LRP1B: variants seen among roughly 807,000 people sequenced by gnomAD.
LRP1B encodes the protein low-density lipoprotein receptor-related protein 1B.
LRP1B carries 217 observed loss-of-function variants against 556.6 expected under a neutral mutation model. The observed-to-expected ratio is 0.39, with a 90% CI of 0.35 to 0.44. LRP1B has a LOEUF of 0.44. Ranked by LOEUF, LRP1B falls within the 20% of genes least tolerant of loss-of-function variation. The pLI is 1.00. For synonymous variants in LRP1B, 2,047 were observed against 1,865.8 expected (o/e 1.10, Z -2.50); for missense variants, 5,053 against 5,620.8 (o/e 0.90, Z 3.23).
intron 1 of LRP1B, among the ~76,000 whole-genome samples, chr2:141,865,766 TA>T (rs1698394578): frequency 6.6e-6 from 1 of 152,170 alleles, no homozygotes; most frequent in African/African-American, 2.4e-5. Context: ...AAAGATATTT[TA>T]ATTTCTCAGA....
At chr2:140,779,817 T>G (rs931980778) in intron 32 of LRP1B, among the ~76,000 whole-genome samples, 1 of 148,800 alleles carries the variant, frequency 6.7e-6, no homozygotes, top group African/African-American at 2.5e-5. Context: ...ATATCATAAA[T>G]TTACCTCCCA....
intron 2 of LRP1B, among the ~76,000 whole-genome samples, chr2:141,765,192 C>T (rs893028713): frequency 5.9e-5 from 9 of 151,992 alleles, no homozygotes; most frequent in East Asian, 1.9e-4. Context: ...AGCAGAGATC[C>T]GTAAACAGTG....
chr2:142,013,062 AT>A (rs1703004749), intron 1 of LRP1B, among the ~76,000 whole-genome samples: 1 of 152,220 alleles, frequency 6.6e-6, no homozygotes, highest in African/African-American at 2.4e-5. Context: ...TTAGCTCATG[AT>A]TAGTTACCTT....
At chr2:141,929,560 C>T (rs988878683) in intron 1 of LRP1B, among the ~76,000 whole-genome samples, 1 of 151,898 alleles carries the variant, frequency 6.6e-6, no homozygotes, top group African/African-American at 2.4e-5. Flanking sequence ...TCTGTTTACT[C>T]TTTCATGGGA....
chr2:141,686,737 G>C (rs948512720), intron 2 of LRP1B, among the ~76,000 whole-genome samples: 2 of 151,962 alleles, frequency 1.3e-5, no homozygotes, highest in Non-Finnish European at 2.9e-5. Flanking sequence ...CCTTTCAGAG[G>C]TGATTGGATC....
intron 2 of LRP1B, among the ~76,000 whole-genome samples, chr2:141,751,402 TA>T (rs1378704268): frequency 6.6e-6 from 1 of 152,190 alleles, no homozygotes; most frequent in Non-Finnish European, 1.5e-5. Flanking sequence ...AATCTTAAGA[TA>T]TTTTTGGATC....
chr2:141,248,697 G>C (rs1558959005), intron 4 of LRP1B, among the ~76,000 whole-genome samples: 1 of 152,144 alleles, frequency 6.6e-6, no homozygotes, highest in Non-Finnish European at 1.5e-5. Context: ...CTAAAAGACT[G>C]TACATTACAC....
At chr2:140,748,591 GTATATA>G (rs70988428) in intron 35 of LRP1B, among the ~76,000 whole-genome samples, 6,324 of 73,132 alleles carry the variant, frequency 0.086, 318 homozygotes, top group African/African-American at 0.13. Context: ...TATACAGTGT[GTATATA>G]TATATATATA....
chr2:141,009,222 C>T (rs968397280), intron 14 of LRP1B, among the ~76,000 whole-genome samples: 3 of 150,860 alleles, frequency 2.0e-5, no homozygotes, highest in African/African-American at 7.3e-5. Flanking sequence ...TAGAGATACT[C>T]GAGCTTGTAG....
rs11352164 is a variant in LRP1B at position 140,803,260 on chromosome 2, G to GTTTTTTTTTTTTT, written c.5359+10384_5359+10396dup. On this transcript the variant is annotated intron_variant, in intron 32 of 90. Coordinates refer to ENST00000389484, the MANE Select transcript of LRP1B (RefSeq NM_018557.3). ...GTGGTCAGTATTAGTCCTATTGAAA[G>GTTTTTTTTTTTTT]TTTTTTTTTTTTTTTTTTTTTTTTT... Among the ~76,000 whole-genome samples the GTTTTTTTTTTTTT allele has an allele frequency of 2.9e-5, 3 of 102,238 alleles. 1 individual carries two copies. The highest frequency in any genetic ancestry group is 1.0e-4 in the African/African-American group (2 of 19,602). 67.1% of individuals were successfully genotyped at this position (102,238 alleles called of 152,430 possible). A position where few individuals can be genotyped will look rare whatever the true frequency, so the allele number is the denominator to read the frequency against.
chr2:140,718,244 T>C (rs1335724113), intron 35 of LRP1B, among the ~76,000 whole-genome samples: 1 of 151,912 alleles, frequency 6.6e-6, no homozygotes, highest in African/African-American at 2.4e-5. Context: ...CTTTCCACGG[T>C]GGTGTGATAG....
chr2:140,793,429 T>C (rs1370989079), intron 32 of LRP1B, among the ~76,000 whole-genome samples: 5 of 152,020 alleles, frequency 3.3e-5, no homozygotes, highest in African/African-American at 9.7e-5. Flanking sequence ...TTATCTTAGA[T>C]AATTTACTAT....
At chr2:140,567,006 T>C (rs1681152073) in intron 43 of LRP1B, among the ~76,000 whole-genome samples, 1 of 152,032 alleles carries the variant, frequency 6.6e-6, no homozygotes, top group African/African-American at 2.4e-5. Context: ...GGGGAATTGG[T>C]AGCTTGGCTG....
chr2:141,126,291 C>A (rs556119121), intron 7 of LRP1B, among the ~76,000 whole-genome samples: 1 of 152,276 alleles, frequency 6.6e-6, no homozygotes, highest in Admixed American at 6.5e-5. Flanking sequence ...GCCTCGGACT[C>A]CCAAAGTGCT....
At chr2:140,744,839 C>T (rs372319688) in intron 35 of LRP1B, among the ~76,000 whole-genome samples, 2 of 152,122 alleles carry the variant, frequency 1.3e-5, no homozygotes, top group African/African-American at 4.8e-5. Flanking sequence ...CTCTAGGATG[C>T]AAGCTCCAGG....
At chr2:141,333,514 C>T (rs1687736315) in intron 3 of LRP1B, among the ~76,000 whole-genome samples, 1 of 152,098 alleles carries the variant, frequency 6.6e-6, no homozygotes, top group South Asian at 2.1e-4. Flanking sequence ...AAAAATCATA[C>T]TGTCCAAGTC....
intron 1 of LRP1B, among the ~76,000 whole-genome samples, chr2:141,843,749 T>C (rs146931436): frequency 1.5e-3 from 228 of 152,270 alleles, no homozygotes; most frequent in Middle Eastern, 0.01. Flanking sequence ...GCATATTCCA[T>C]TGTGCTACAA....
chr2:141,012,091 G>C (rs1437318052), intron 14 of LRP1B, among the ~76,000 whole-genome samples: 2 of 151,912 alleles, frequency 1.3e-5, no homozygotes, highest in African/African-American at 4.8e-5. Flanking sequence ...AATCTTTCAT[G>C]ATGAGTCCAA....
intron 3 of LRP1B, among the ~76,000 whole-genome samples, chr2:141,475,826 C>T (rs1176375359): frequency 6.6e-6 from 1 of 152,088 alleles, no homozygotes; most frequent in Non-Finnish European, 1.5e-5. Flanking sequence ...TCTCCCCACA[C>T]CATCCCTTTT....
Sources: allele counts gnomAD v4.1 joint callset (sites outside exome capture counted in the v4.1 genomes callset), GRCh38; gene constraint gnomAD v4.1.1; transcripts MANE v1.5; gene names NCBI Gene and HGNC (gene_info 2026-07-23, HGNC 2026-07-21).